Variants in TBC1D23 observed in about 807,000 individuals in gnomAD.
TBC1D23 encodes the protein TBC1 domain family member 23, also known as HCV non-structural protein 4A-transactivated protein 1.
TBC1D23 carries 55 observed loss-of-function variants against 91.4 expected under a neutral mutation model. That is an observed-to-expected ratio of 0.60 (90% CI 0.48 to 0.75). TBC1D23 has a LOEUF of 0.75. Ranked by LOEUF, TBC1D23 falls within the 30% of genes least tolerant of loss-of-function variation. The pLI is 0.00. For missense variants in TBC1D23, 725 were observed against 836.1 expected (o/e 0.87, Z 1.64); for synonymous variants, 289 against 281.0 (o/e 1.03, Z -0.28).
intron 11 of TBC1D23, 56 bp from the exon 12 acceptor site, chr3:100,304,790 A>G (rs1384125850): frequency 1.2e-6 from 1 of 866,496 alleles, no homozygotes; most frequent in Non-Finnish European, 2.0e-6. Context: ...AGAACTAGCT[A>G]AAGTTTTAAT....
At chr3:100,319,648 G>A (rs888754592) in intron 17 of TBC1D23, among the ~76,000 whole-genome samples, 1 of 151,914 alleles carries the variant, frequency 6.6e-6, no homozygotes, top group African/African-American at 2.4e-5. Context: ...GGCTGGTCTC[G>A]AACTCCGGAC....
intron 13 of TBC1D23, among the ~76,000 whole-genome samples, chr3:100,309,645 T>A (rs1440529496): frequency 7.4e-6 from 1 of 135,196 alleles, no homozygotes; most frequent in Non-Finnish European, 1.6e-5. Flanking sequence ...AGCGTCTCGC[T>A]CTGTCGCGCA....
At chr3:100,311,639 C>T (rs1268642984) in intron 14 of TBC1D23, among the ~76,000 whole-genome samples, 194 bp from the exon 15 acceptor site, 1 of 152,162 alleles carries the variant, frequency 6.6e-6, no homozygotes, top group Non-Finnish European at 1.5e-5. Flanking sequence ...ATAACTAAGT[C>T]AAAAAGACTG....
At chr3:100,273,663 A>G (rs1176953879) in intron 1 of TBC1D23, among the ~76,000 whole-genome samples, 1 of 152,240 alleles carries the variant, frequency 6.6e-6, no homozygotes, top group Non-Finnish European at 1.5e-5. Context: ...TACTGGTACA[A>G]GAACAGACAC....
intron 17 of TBC1D23, among the ~76,000 whole-genome samples, chr3:100,320,149 A>G (rs1477112032): frequency 2.0e-5 from 3 of 151,904 alleles, no homozygotes; most frequent in Non-Finnish European, 2.9e-5. Flanking sequence ...TCTCTTCATG[A>G]TGAATGAATC....
intron 1 of TBC1D23, among the ~76,000 whole-genome samples, chr3:100,275,336 G>C (rs1431388379): frequency 6.6e-6 from 1 of 152,104 alleles, no homozygotes; most frequent in African/African-American, 2.4e-5. Context: ...GCCCAGGCTG[G>C]AGTGCAGTGG....
At position 100,310,647 on chromosome 3, in the gene TBC1D23, G is replaced by A. The variant is rs181709425; in HGVS notation, c.1553+105G>A. On this transcript the variant is annotated intron_variant, in intron 14 of 18. Coordinates refer to ENST00000394144, the MANE Select transcript of TBC1D23 (RefSeq NM_001199198.3). Reference sequence around the variant, plus strand: ...TTGAATTTAATGTGTTCCAGAAAAGGATTATAAAGTATATTTTCTATTAGA... The same window carrying A: ...TTGAATTTAATGTGTTCCAGAAAAGAATTATAAAGTATATTTTCTATTAGA... The A allele has an allele frequency of 4.8e-6, 4 of 831,118 alleles. No homozygotes were observed. The Admixed American group carries it at 1.3e-4, about 28-fold the overall frequency. 51.5% of individuals were successfully genotyped at this position (831,118 alleles called of 1,614,324 possible). A position where few individuals can be genotyped will look rare whatever the true frequency, so the allele number is the denominator to read the frequency against.
In TBC1D23 at chr3:100,304,807, G is replaced by A. The variant is rs192862595; in HGVS notation, c.1264-39G>A. ...AACTAGCTAAAGTTTTAATTAAGTC[G>A]CAGTTTTGGAAGAATTTAAATTTTC... is the stretch of plus-strand genomic sequence containing the variant. On this transcript the variant is annotated intron_variant, in intron 11 of 18. Transcript: ENST00000394144. 7.7e-4 allele frequency: 773 copies of A among 1,007,002 alleles called. 2 individuals are homozygous for A. Among genetic ancestry groups the A allele is most frequent in the Non-Finnish European group, 1.1e-3 (698 of 631,258 alleles). The allele number at this position is 1,007,002 out of a possible 1,614,324, so 62.4% of individuals were successfully genotyped here.
At chr3:100,261,914 G>T (rs2148846329) in intron 1 of TBC1D23, among the ~76,000 whole-genome samples, 1 of 152,254 alleles carries the variant, frequency 6.6e-6, no homozygotes, top group South Asian at 2.1e-4. Flanking sequence ...GTTGATCTAA[G>T]TGTATTGACC....
intron 13 of TBC1D23, among the ~76,000 whole-genome samples, chr3:100,308,594 A>C (rs1397671375): frequency 6.6e-6 from 1 of 152,218 alleles, no homozygotes; most frequent in Non-Finnish European, 1.5e-5. Flanking sequence ...TTTGCCATTC[A>C]TATTTTAAAG....
intron 11 of TBC1D23, 144 bp downstream of exon 11, chr3:100,302,381 A>G (rs1162327509): frequency 1.2e-5 from 7 of 560,334 alleles, no homozygotes; most frequent in Non-Finnish European, 2.1e-5. Context: ...GATTTTTCTC[A>G]TATGCTTATA....
At chr3:100,289,646 G>A (rs1209883035) in intron 4 of TBC1D23, among the ~76,000 whole-genome samples, 1 of 152,186 alleles carries the variant, frequency 6.6e-6, no homozygotes, top group Non-Finnish European at 1.5e-5. Flanking sequence ...GTGACCCGTG[G>A]CAGAGGAATC....
At chr3:100,312,451 A>T (rs1292225051) in intron 15 of TBC1D23, among the ~76,000 whole-genome samples, 1 of 152,028 alleles carries the variant, frequency 6.6e-6, no homozygotes, top group East Asian at 1.9e-4. Flanking sequence ...AAAAAATTAC[A>T]TTTTTTTCTA....
intron 1 of TBC1D23, among the ~76,000 whole-genome samples, chr3:100,277,415 G>A (rs2067657133): frequency 6.6e-6 from 1 of 152,172 alleles, no homozygotes; most frequent in Non-Finnish European, 1.5e-5. Flanking sequence ...CTTGCTCATG[G>A]TTGTACTGCT....
rs778155479 is a variant in TBC1D23 at position 100,298,030 on chromosome 3, G to A, written c.984G>A (p.Ala328=). 3.7e-6 allele frequency: 6 copies of A among 1,613,302 alleles called. No homozygotes were observed. Among genetic ancestry groups the A allele is most frequent in the East Asian group, 4.5e-5 (2 of 44,840 alleles). ...LAISVSEILQ[A]NQLQGEGVRF... The stretch of plus-strand genomic sequence containing the variant: ...TCTCCGTGTCAGAGATCCTTCAAGC[G>A]AATCAGCTACAAGGGGTAAGTAAAG... The change falls in exon 9 of 19, where the codon GCG becomes GCA. Residue 328 remains alanine, a synonymous_variant. Transcript: ENST00000394144.
chr3:100,317,928 T>TTTTATATACA (rs60994762), intron 16 of TBC1D23, among the ~76,000 whole-genome samples: 1 of 151,814 alleles, frequency 6.6e-6, no homozygotes, highest in African/African-American at 2.4e-5. Context: ...GTAGTCTACT[T>TTTTATATACA]TTTATATACA....
chr3:100,295,163 A>T lies in TBC1D23; in HGVS notation c.677A>T (p.Asp226Val), dbSNP rs1292204315. 10 of 1,605,934 alleles carry T rather than the reference A, an allele frequency of 6.2e-6. No individual in the cohort carries two copies. Among genetic ancestry groups the T allele is most frequent in the Non-Finnish European group, 8.5e-6 (10 of 1,176,550 alleles). Residue 226 changes from aspartate to valine, a missense_variant, in exon 6 of 19, where the codon GAT becomes GTT. By Grantham distance (152) the Asp-to-Val change is radical. Transcript: ENST00000394144. The part of the protein sequence containing the change: ...AIWDGYLQQA[D>V]PFFIYFLMLI... ...TGGGATGGATATCTACAACAAGCAG[A>T]TCCATTTTTTATTTATTTCTTAATG... is the stretch of plus-strand genomic sequence containing the variant.
At chr3:100,311,942 T>C in intron 15 of TBC1D23, 65 bp downstream of exon 15, 2 of 1,080,124 alleles carry the variant, frequency 1.9e-6, no homozygotes, top group Non-Finnish European at 2.7e-6. Context: ...TCATGCCATC[T>C]ATAAGCCTCA....
At position 100,264,344 on chromosome 3, in the gene TBC1D23, A is replaced by C. The variant is rs190086837; in HGVS notation, c.53+3273A>C. Among the ~76,000 whole-genome samples, 3 of 149,538 alleles carry C rather than the reference A, an allele frequency of 2.0e-5. No individual in the cohort carries two copies. In the Admixed American group the frequency reaches 2.0e-4, roughly 10 times the overall value. On this transcript the variant is annotated intron_variant, in intron 1 of 18. Coordinates refer to ENST00000394144, the MANE Select transcript of TBC1D23 (RefSeq NM_001199198.3). ...TTATCTCTCTTTCTTTTTGGAGTAA[A>C]TGTTTTTATTTTAACTCTGTCAGAT...
Sources: gnomAD v4.1 joint callset for allele counts (sites outside exome capture counted in the v4.1 genomes callset) on GRCh38, gnomAD v4.1.1 for gene constraint, MANE v1.5 for transcripts, NCBI Gene and HGNC (gene_info 2026-07-23, HGNC 2026-07-21) for gene names.